The following SMCHD1 variants were observed in gnomAD, a reference collection of about 807,000 sequenced individuals.
SMCHD1 encodes the protein structural maintenance of chromosomes flexible hinge domain-containing protein 1.
Under a neutral mutation model 254.7 loss-of-function variants are expected in SMCHD1, and 78 were observed. The observed-to-expected ratio is 0.31, with a 90% CI of 0.26 to 0.37. The LOEUF (loss-of-function observed/expected upper bound fraction) is 0.37, where lower values mean the gene tolerates loss of function less well. Ranked by LOEUF, SMCHD1 falls within the 10% of genes least tolerant of loss-of-function variation. SMCHD1 has a pLI of 1.00. For synonymous variants in SMCHD1, 766 were observed against 794.9 expected (o/e 0.96, Z 0.61); for missense variants, 1,840 against 2,408.1 (o/e 0.76, Z 4.94).
At chr18:2,696,274 C>T (rs1054390770) in intron 8 of SMCHD1, among the ~76,000 whole-genome samples, 11 of 152,122 alleles carry the variant, frequency 7.2e-5, no homozygotes, top group African/African-American at 2.4e-4. Context: ...CCCAACGCCC[C>T]GGTCGTGAAC....
rs904003820 is a variant in SMCHD1 at position 2,732,187 on chromosome 18, T to C, written c.3049-78T>C. ...CAATGTATGAGATGGTCTTCCATAATATTGAAAGTAAATTCTTCAGGAGTG... is the reference window on the plus strand; with the variant it reads ...CAATGTATGAGATGGTCTTCCATAACATTGAAAGTAAATTCTTCAGGAGTG... On this transcript the variant is annotated intron_variant, in intron 24 of 47. Transcript: ENST00000320876. 14 of 1,051,642 alleles carry C rather than the reference T, an allele frequency of 1.3e-5. No homozygotes were observed. The African/African-American group carries it at 2.1e-4, about 15-fold the overall frequency. The allele number at this position is 1,051,642 out of a possible 1,614,324, so 65.1% of individuals were successfully genotyped here.
chr18:2,707,737 A>T, intron 16 of SMCHD1, 70 bp from the exon 17 acceptor site: 1 of 1,473,444 alleles, frequency 6.8e-7, no homozygotes, highest in Non-Finnish European at 9.4e-7. Flanking sequence ...ATTAAAATGC[A>T]ATGGGAAGAT....
chr18:2,803,148 G>A lies in SMCHD1; in HGVS notation c.*596G>A, dbSNP rs908901343. 13 of 149,610 alleles carry A rather than the reference G, an allele frequency of 8.7e-5. No homozygotes were observed. The highest frequency in any genetic ancestry group is 3.2e-4 in the African/African-American group (13 of 40,966). The allele number at this position is 149,610 out of a possible 1,614,324, so 9.3% of individuals were successfully genotyped here. On this transcript the variant is annotated 3_prime_UTR_variant, in exon 48 of 48. Coordinates refer to ENST00000320876, the MANE Select transcript of SMCHD1 (RefSeq NM_015295.3). ...TAAATCAATGAGTGAACTTGTGACAGTGGTAGCATTTCAAATTTCAAAAGA... is the reference window on the plus strand; with the variant it reads ...TAAATCAATGAGTGAACTTGTGACAATGGTAGCATTTCAAATTTCAAAAGA...
At chr18:2,782,761 A>AC in intron 44 of SMCHD1, among the ~76,000 whole-genome samples, 1 of 150,890 alleles carries the variant, frequency 6.6e-6, no homozygotes, top group African/African-American at 2.4e-5. Flanking sequence ...AAAAAAAAAA[A>AC]AAAAAAAAAA....
At chr18:2,694,727 T>C (rs755702467) in intron 8 of SMCHD1, 34 bp downstream of exon 8, 7 of 1,586,058 alleles carry the variant, frequency 4.4e-6, no homozygotes, top group Middle Eastern at 1.8e-4. Context: ...GAAATGTTGC[T>C]ACTTAACTTT....
At chr18:2,770,706 T>C (rs1443531422) in intron 39 of SMCHD1, among the ~76,000 whole-genome samples, 3 of 152,074 alleles carry the variant, frequency 2.0e-5, no homozygotes, top group Non-Finnish European at 2.9e-5. Context: ...CTGCACCCTC[T>C]GCCTCCCAAG....
intron 45 of SMCHD1, among the ~76,000 whole-genome samples, chr18:2,793,882 CT>C (rs1435437525): frequency 2.0e-5 from 3 of 150,438 alleles, no homozygotes; most frequent in Admixed American, 6.6e-5. Context: ...GGGTAGATTT[CT>C]TTTTAAAACA....
chr18:2,656,516 G>T (rs2143733783), intron 1 of SMCHD1, among the ~76,000 whole-genome samples: 1 of 152,376 alleles, frequency 6.6e-6, no homozygotes, highest in African/African-American at 2.4e-5. Context: ...TTTACGGGAG[G>T]CCTTGCCGGC....
At position 2,656,240 on chromosome 18, in the gene SMCHD1, A is replaced by G. The variant is rs1467316520; in HGVS notation, c.165A>G (p.Gly55=). The change falls in exon 1 of 48, where the codon GGA becomes GGG. Residue 55 remains glycine (G), a synonymous_variant. Transcript: ENST00000320876. ...TCGGGGAGCGCTCGGACTACGCGGG[A>G]TTTCGCGCGTGTGTGTGTCAGGTAC... ...LQVGERSDYA[G]FRACVCQTLG... is the part of the protein sequence containing the mutation. The G allele has an allele frequency of 2.0e-6, 3 of 1,502,250 alleles. No homozygotes were observed. The highest frequency in any genetic ancestry group is 2.6e-6 in the Non-Finnish European group (3 of 1,135,368). 93.1% of individuals were successfully genotyped at this position (1,502,250 alleles called of 1,614,324 possible).
At chr18:2,734,147 G>C (rs1444267413) in intron 25 of SMCHD1, among the ~76,000 whole-genome samples, 2 of 152,128 alleles carry the variant, frequency 1.3e-5, no homozygotes, top group Non-Finnish European at 2.9e-5. Context: ...TTCATAATGA[G>C]GGAAGAGAGA....
chr18:2,769,420 T>G (rs2075933954), intron 37 of SMCHD1, among the ~76,000 whole-genome samples: 1 of 152,192 alleles, frequency 6.6e-6, no homozygotes, highest in Admixed American at 6.5e-5. Context: ...AATAACTTTT[T>G]CTTGAAATTT....
chr18:2,710,733 T>A (rs1598350412), intron 17 of SMCHD1, among the ~76,000 whole-genome samples: 1 of 152,172 alleles, frequency 6.6e-6, no homozygotes, highest in Non-Finnish European at 1.5e-5. Context: ...AAAATGAGAA[T>A]CTTGTCCTGT....
chr18:2,776,746 C>T (rs930102424), intron 42 of SMCHD1, among the ~76,000 whole-genome samples: 3 of 152,008 alleles, frequency 2.0e-5, no homozygotes, highest in African/African-American at 7.3e-5. Flanking sequence ...GTTATTTCAT[C>T]TTATAAATCT....
chr18:2,666,796 G>A (rs1032717701), intron 2 of SMCHD1, 74 bp from the exon 3 acceptor site: 2 of 1,198,996 alleles, frequency 1.7e-6, no homozygotes, highest in Admixed American at 5.0e-5. Context: ...GATAGAATTT[G>A]TATATTCACA....
intron 5 of SMCHD1, among the ~76,000 whole-genome samples, chr18:2,685,628 C>A (rs1436869606): frequency 6.6e-6 from 1 of 152,084 alleles, no homozygotes; most frequent in Non-Finnish European, 1.5e-5. Flanking sequence ...CCACTCTTAG[C>A]CCCTGGTAAC....
At chr18:2,784,887 G>C (rs552264530) in intron 45 of SMCHD1, 1 of 492,592 alleles carries the variant, frequency 2.0e-6, no homozygotes. Flanking sequence ...TAAGACAAGA[G>C]TGTCGCTTGA....
At chr18:2,781,696 G>T (rs2143802118) in intron 44 of SMCHD1, among the ~76,000 whole-genome samples, 1 of 152,058 alleles carries the variant, frequency 6.6e-6, no homozygotes, top group Middle Eastern at 3.4e-3. Flanking sequence ...ATCAAATAGA[G>T]CTTCTAAAAA....
intron 33 of SMCHD1, among the ~76,000 whole-genome samples, chr18:2,751,983 C>G (rs555350945): frequency 2.0e-5 from 3 of 152,202 alleles, no homozygotes; most frequent in African/African-American, 7.2e-5. Flanking sequence ...TTATTTTACA[C>G]TGTATATCAG....
At chr18:2,761,628 C>G (rs2075785960) in intron 35 of SMCHD1, among the ~76,000 whole-genome samples, 1 of 152,016 alleles carries the variant, frequency 6.6e-6, no homozygotes, top group Non-Finnish European at 1.5e-5. Context: ...ACCAGCCTGG[C>G]CAATATGGTG....
Sources: gnomAD v4.1 joint callset for allele counts (sites outside exome capture counted in the v4.1 genomes callset) on GRCh38, gnomAD v4.1.1 for gene constraint, MANE v1.5 for transcripts, NCBI Gene and HGNC (gene_info 2026-07-23, HGNC 2026-07-21) for gene names.